CDKL1: variants seen among roughly 807,000 people sequenced by gnomAD.
CDKL1 encodes cyclin dependent kinase like 1, also known as cyclin-dependent kinase-like 1.
Under a neutral mutation model 42.0 loss-of-function variants are expected in CDKL1, and 41 were observed. The observed-to-expected ratio is 0.98, with a 90% CI of 0.76 to 1.27. The LOEUF (loss-of-function observed/expected upper bound fraction) is 1.27. CDKL1 is among the 50% of genes most tolerant of loss of function. CDKL1 has a pLI of 0.00. For missense variants in CDKL1, 394 were observed against 428.4 expected, an observed-to-expected ratio of 0.92 and a Z score of 0.71; for synonymous variants, 153 against 158.6, an observed-to-expected ratio of 0.96 and a Z score of 0.26.
At chr14:50,338,844 A>G in intron 7 of CDKL1, 103 bp downstream of exon 7, 1 of 793,502 alleles carries the variant, frequency 1.3e-6, no homozygotes, top group Non-Finnish European at 2.3e-6. Context: ...TCTCTGTTAG[A>G]CTGACCTCCA....
At chr14:50,389,753 A>C (rs2035198438) in intron 2 of CDKL1, among the ~76,000 whole-genome samples, 1 of 152,176 alleles carries the variant, frequency 6.6e-6, no homozygotes, top group South Asian at 2.1e-4. Flanking sequence ...AGGCCTCCAC[A>C]GAAGCCACAA....
chr14:50,382,421 A>C (rs1012200144), intron 2 of CDKL1, among the ~76,000 whole-genome samples: 3 of 152,170 alleles, frequency 2.0e-5, no homozygotes, highest in Admixed American at 6.5e-5. Context: ...ACTGCACTCC[A>C]GCCTGGGCGA....
chr14:50,331,652 T>G (rs1422626571), intron 9 of CDKL1: 1 of 216,808 alleles, frequency 4.6e-6, no homozygotes, highest in African/African-American at 2.3e-5. Context: ...TGGTTCCAAC[T>G]ACAGTTCATT....
intron 3 of CDKL1, among the ~76,000 whole-genome samples, chr14:50,358,649 T>G (rs564888179): frequency 8.0e-6 from 1 of 124,236 alleles, no homozygotes; most frequent in South Asian, 2.6e-4. Context: ...TTTTTTTTTT[T>G]TTTTTTTTGA....
intron 2 of CDKL1, among the ~76,000 whole-genome samples, chr14:50,381,842 A>T (rs570095705): frequency 6.6e-6 from 1 of 152,238 alleles, no homozygotes; most frequent in Non-Finnish European, 1.5e-5. Context: ...GTGTGATCAT[A>T]GCTCACTGCA....
At chr14:50,364,805 G>T (rs1052781845) in intron 2 of CDKL1, among the ~76,000 whole-genome samples, 1 of 152,102 alleles carries the variant, frequency 6.6e-6, no homozygotes, top group African/African-American at 2.4e-5. Flanking sequence ...TATTTAGAAT[G>T]ATTTTTCTCT....
intron 2 of CDKL1, among the ~76,000 whole-genome samples, chr14:50,365,932 C>T (rs922725687): frequency 2.6e-5 from 4 of 152,248 alleles, no homozygotes; most frequent in African/African-American, 9.6e-5. Flanking sequence ...CTTGGACTTA[C>T]ACAGTGGTTT....
chr14:50,348,628 T>C (rs2033804158), intron 3 of CDKL1, among the ~76,000 whole-genome samples: 2 of 152,188 alleles, frequency 1.3e-5, no homozygotes, highest in African/African-American at 2.4e-5. Flanking sequence ...CTGAAGATTC[T>C]GACACTGGGG....
chr14:50,372,492 A>G (rs992002454), intron 2 of CDKL1, among the ~76,000 whole-genome samples: 6 of 152,316 alleles, frequency 3.9e-5, no homozygotes, highest in African/African-American at 1.4e-4. Flanking sequence ...CTCCTAATCC[A>G]TAGGTTGTTT....
chr14:50,377,771 G>C (rs1474973462), intron 2 of CDKL1: 5 of 1,161,062 alleles, frequency 4.3e-6, no homozygotes, highest in East Asian at 1.1e-4. Context: ...GGTCATTATG[G>C]GAAGTATTGA....
chr14:50,335,395 T>G (rs763711298), intron 7 of CDKL1: 8 of 1,259,850 alleles, frequency 6.3e-6, no homozygotes, highest in Non-Finnish European at 6.7e-6. Context: ...AACAGATGCT[T>G]CTTGATTTTC....
chr14:50,361,681 T>C (rs1392871599), intron 2 of CDKL1, among the ~76,000 whole-genome samples: 1 of 152,248 alleles, frequency 6.6e-6, no homozygotes, highest in Non-Finnish European at 1.5e-5. Context: ...GCCACACCTC[T>C]TAATACAGTT....
In CDKL1 at chr14:50,341,069, C is replaced by T. The variant is rs1426537227; in HGVS notation, c.618G>A (p.Ser206=). The T allele has an allele frequency of 3.7e-6, 6 of 1,614,016 alleles. No homozygotes were observed. In the South Asian group the frequency reaches 4.4e-5, roughly 12 times the overall value. Residue 206 remains serine (S), a synonymous_variant, in exon 6 of 10, where the codon TCG becomes TCA. Transcript: ENST00000395834. ...TAATCAGATACAGCTGATCCACATC[C>T]GATTTTCCTGGCCACAGAGGCACTC... ...LSGVPLWPGK[S]DVDQLYLIRK... is the part of the protein sequence containing the mutation.
intron 9 of CDKL1, chr14:50,330,912 TA>T (rs2032901859): frequency 6.6e-6 from 1 of 151,346 alleles, no homozygotes; most frequent in Admixed American, 6.6e-5. Context: ...TTAGTACTTT[TA>T]AATCAGTTGA....
intron 9 of CDKL1, 108 bp downstream of exon 9, chr14:50,332,154 A>G (rs2032981342): frequency 6.2e-7 from 1 of 1,613,374 alleles, no homozygotes; most frequent in Non-Finnish European, 8.5e-7. Context: ...CCTGTCTCCT[A>G]GTGCTGGAAT....
At chr14:50,351,868 G>C (rs567705640) in intron 3 of CDKL1, among the ~76,000 whole-genome samples, 3 of 152,250 alleles carry the variant, frequency 2.0e-5, no homozygotes, top group African/African-American at 7.2e-5. Context: ...ACAATGCTCA[G>C]CTATAAGTAA....
At chr14:50,367,112 C>T (rs1303321408) in intron 2 of CDKL1, among the ~76,000 whole-genome samples, 1 of 151,936 alleles carries the variant, frequency 6.6e-6, no homozygotes, top group Non-Finnish European at 1.5e-5. Flanking sequence ...GGAGGAAACA[C>T]GAAAGGGGAA....
chr14:50,343,649 C>T (rs1437497528), intron 4 of CDKL1, among the ~76,000 whole-genome samples: 1 of 152,240 alleles, frequency 6.6e-6, no homozygotes, highest in Non-Finnish European at 1.5e-5. Context: ...CTGCACCCAC[C>T]CCCATCAGCA....
intron 2 of CDKL1, among the ~76,000 whole-genome samples, chr14:50,368,046 A>G (rs949130441): frequency 1.3e-5 from 2 of 152,118 alleles, no homozygotes; most frequent in African/African-American, 4.8e-5. Context: ...GCAGCCACGA[A>G]CTCCCAGGCA....
Sources: gnomAD v4.1 joint callset for allele counts (sites outside exome capture counted in the v4.1 genomes callset) on GRCh38, gnomAD v4.1.1 for gene constraint, MANE v1.5 for transcripts, NCBI Gene and HGNC (gene_info 2026-07-23, HGNC 2026-07-21) for gene names.